KCNT2: variants seen among roughly 807,000 people sequenced by gnomAD.
KCNT2 encodes the protein potassium sodium-activated channel subfamily T member 2.
KCNT2 carries 67 observed loss-of-function variants against 153.8 expected under a neutral mutation model. The ratio of observed to expected loss-of-function variants is 0.44; its 90% CI spans 0.36 to 0.53. The LOEUF (loss-of-function observed/expected upper bound fraction) is 0.53. Among genes scored for constraint, KCNT2 ranks in the 20% least tolerant of loss-of-function variants. KCNT2 has a pLI of 0.00. For synonymous variants in KCNT2, 500 were observed against 458.8 expected (o/e 1.09, Z -1.15); for missense variants, 975 against 1,354.8 (o/e 0.72, Z 4.40).
At position 196,342,214 on chromosome 1, in the gene KCNT2, G is replaced by A. The variant is rs1266098926; in HGVS notation, c.1418C>T (p.Ser473Leu). The A allele has an allele frequency of 6.2e-6, 10 of 1,610,730 alleles. No individual in the cohort carries two copies. Among genetic ancestry groups the A allele is most frequent in the Non-Finnish European group, 7.6e-6 (9 of 1,178,750 alleles). ...GTACATCTTCTGCCATTGTTCTGGC[G>A]ATTGCTGGCCTTCTCTGCAACACAG... ...HTSRGQEGQQ[S>L]PEQWQKMYGR... Residue 473 changes from serine (S) to leucine (L), a missense_variant, in exon 15 of 28, where the codon TCG (serine) becomes TTG (leucine). By Grantham distance (145) the Ser-to-Leu change is moderately radical. Coordinates refer to ENST00000294725, the MANE Select transcript of KCNT2 (RefSeq NM_198503.5).
chr1:196,430,567 C>T (rs1056443031), intron 8 of KCNT2, among the ~76,000 whole-genome samples: 4 of 151,972 alleles, frequency 2.6e-5, no homozygotes, highest in Non-Finnish European at 4.4e-5. Flanking sequence ...TAAGCCGATA[C>T]GCTTCCATTT....
At chr1:196,404,236 T>C (rs1671651801) in intron 12 of KCNT2, 5 of 467,322 alleles carry the variant, frequency 1.1e-5, no homozygotes, top group South Asian at 9.1e-5. Flanking sequence ...ATCTAAAAAC[T>C]TGTCACTTCT....
intron 1 of KCNT2, among the ~76,000 whole-genome samples, chr1:196,584,250 G>A (rs776393857): frequency 4.0e-5 from 6 of 151,598 alleles, no homozygotes; most frequent in Non-Finnish European, 7.4e-5. Context: ...ACCAAAGGTT[G>A]ACAAAACACA....
At chr1:196,255,771 A>T (rs1322778098) in intron 26 of KCNT2, among the ~76,000 whole-genome samples, 1 of 151,958 alleles carries the variant, frequency 6.6e-6, no homozygotes, top group African/African-American at 2.4e-5. Context: ...TGGAATTACA[A>T]GTGAAATATT....
chr1:196,457,267 T>G (rs1449724502), intron 8 of KCNT2, among the ~76,000 whole-genome samples: 1 of 151,746 alleles, frequency 6.6e-6, no homozygotes, highest in African/African-American at 2.4e-5. Flanking sequence ...AATAATTTAT[T>G]GGTTCATATA....
At chr1:196,377,057 G>A (rs567879067) in intron 13 of KCNT2, among the ~76,000 whole-genome samples, 6 of 151,880 alleles carry the variant, frequency 4.0e-5, no homozygotes, top group Non-Finnish European at 7.4e-5. Context: ...GATAGGAAGT[G>A]GTGGTCAGAG....
chr1:196,228,276 T>A lies in KCNT2; in HGVS notation c.3356A>T (p.Asn1119Ile), dbSNP rs1357764242. Residue 1119 changes from asparagine to isoleucine, a missense_variant, in exon 28 of 28, where the codon AAC (asparagine) becomes ATC (isoleucine). This residue lies in a region of KCNT2 where 241 missense variants were observed against 271.1 expected (regional missense o/e 0.89). Transcript: ENST00000294725. ...TTGACCAGTGACATTGCAGATGCTG[T>A]TTCTTCGACTGGGCTCACTGTTTGG... ...YLPNSEPSRR[N>I]SICNVTGQDS... 6.2e-7 allele frequency: 1 copy of A among 1,612,122 alleles called. No individual in the cohort carries two copies.
intron 21 of KCNT2, among the ~76,000 whole-genome samples, chr1:196,314,319 A>G (rs542176383): frequency 6.6e-6 from 1 of 151,688 alleles, no homozygotes; most frequent in East Asian, 1.9e-4. Context: ...CATGATTTTT[A>G]CCCTACTCAC....
chr1:196,454,550 T>C (rs1198215100), intron 8 of KCNT2, among the ~76,000 whole-genome samples: 1 of 151,962 alleles, frequency 6.6e-6, no homozygotes, highest in Non-Finnish European at 1.5e-5. Flanking sequence ...CATGACTGTG[T>C]AGTATTTCAT....
chr1:196,570,084 A>G (rs1285581290), intron 1 of KCNT2, among the ~76,000 whole-genome samples: 721 of 13,100 alleles, frequency 0.055, 17 homozygotes, highest in Admixed American at 0.25. Flanking sequence ...AAAAAAAAAA[A>G]AAAAAAAAAA....
chr1:196,419,652 G>T (rs1673039068), intron 12 of KCNT2, among the ~76,000 whole-genome samples: 1 of 151,798 alleles, frequency 6.6e-6, no homozygotes. Context: ...CCAAACTTTT[G>T]CCAGGATACA....
intron 8 of KCNT2, among the ~76,000 whole-genome samples, chr1:196,433,113 T>C (rs570211265): frequency 6.6e-6 from 1 of 152,126 alleles, no homozygotes; most frequent in East Asian, 1.9e-4. Flanking sequence ...GATGCAATAG[T>C]AAAGCCCCAT....
chr1:196,403,589 G>A (rs1451649915), intron 12 of KCNT2, among the ~76,000 whole-genome samples: 2 of 151,484 alleles, frequency 1.3e-5, no homozygotes, highest in East Asian at 3.9e-4. Flanking sequence ...TGGTTCATCA[G>A]TTTCAACAAA....
intron 14 of KCNT2, among the ~76,000 whole-genome samples, chr1:196,355,526 C>T (rs1277298597): frequency 2.0e-5 from 3 of 151,670 alleles, no homozygotes; most frequent in African/African-American, 7.3e-5. Flanking sequence ...TGAAAGGCAT[C>T]TACTTCAATG....
chr1:196,548,458 T>C (rs541695314), intron 1 of KCNT2, among the ~76,000 whole-genome samples: 104 of 151,904 alleles, frequency 6.8e-4, no homozygotes, highest in Non-Finnish European at 1.1e-3. Context: ...CAATGAGATA[T>C]CATCTCACAC....
At chr1:196,405,903 C>T (rs531542878) in intron 12 of KCNT2, among the ~76,000 whole-genome samples, 3 of 151,576 alleles carry the variant, frequency 2.0e-5, no homozygotes, top group Middle Eastern at 3.4e-3. Context: ...TAATCACAAA[C>T]ACTTATAAAA....
chr1:196,484,489 G>C (rs1679260677), intron 3 of KCNT2, among the ~76,000 whole-genome samples: 1 of 152,024 alleles, frequency 6.6e-6, no homozygotes. Flanking sequence ...TATTCACTCT[G>C]ATTATAGTTT....
intron 8 of KCNT2, among the ~76,000 whole-genome samples, chr1:196,439,018 T>C (rs551212482): frequency 6.6e-6 from 1 of 152,042 alleles, no homozygotes; most frequent in East Asian, 1.9e-4. Context: ...TTTTAAAGTT[T>C]ATGCACTTTA....
At position 196,399,097 on chromosome 1, in the gene KCNT2, A is replaced by G. The variant is rs201312567; in HGVS notation, c.1186-426T>C. ...GGTAAAATAATTTTGACCTGTGTGTATGTGTGTGTGTGTGTGTCTGTGTGT... is the reference window on the plus strand; with the variant it reads ...GGTAAAATAATTTTGACCTGTGTGTGTGTGTGTGTGTGTGTGTCTGTGTGT... On this transcript the variant is annotated intron_variant, in intron 12 of 27. Transcript: ENST00000294725. Among the ~76,000 whole-genome samples the G allele has an allele frequency of 1.1e-3, 168 of 148,942 alleles. 1 individual carries two copies. In the South Asian group the frequency reaches 0.015, roughly 14 times the overall value.
Sources: allele counts gnomAD v4.1 joint callset (sites outside exome capture counted in the v4.1 genomes callset), GRCh38; gene constraint gnomAD v4.1.1; regional missense constraint gnomAD v4.1.1; transcripts MANE v1.5; gene names NCBI Gene and HGNC (gene_info 2026-07-23, HGNC 2026-07-21).